TAF11L12: variants seen among roughly 807,000 people sequenced by gnomAD.
The protein encoded by TAF11L12 is TATA-box binding protein associated factor 11 like 12, also known as TATA-box-binding protein-associated factor 11-like protein 12.
exon 1 of TAF11L12, chr5:17,611,239 C>T (rs1739270024): frequency 2.5e-6 from 1 of 398,268 alleles, no homozygotes; most frequent in African/African-American, 2.1e-5. Flanking sequence ...GGAGAGGAAG[C>T]CCACCGTGGA....
At chr5:17,611,305 T>A (rs1347664437) in exon 1 of TAF11L12, 1 of 397,912 alleles carries the variant, frequency 2.5e-6, no homozygotes, top group Non-Finnish European at 4.4e-6. Flanking sequence ...GGAGCAGCTA[T>A]CCCGCTACGA....
chr5:17,610,723 T>C (rs1323189628), exon 1 of TAF11L12: 12 of 326,346 alleles, frequency 3.7e-5, no homozygotes, highest in Non-Finnish European at 1.7e-5. Flanking sequence ...CCAAAATTGG[T>C]GAGAATTTAT....
At chr5:17,611,982 C>G (rs371379628), downstream of TAF11L12, among the ~76,000 whole-genome samples, 1 of 151,324 alleles carries the variant, frequency 6.6e-6, no homozygotes, top group African/African-American at 2.4e-5. Flanking sequence ...TTTCAGTAAG[C>G]GAAGCCTCCA....
chr5:17,610,779 T>C (rs1487240972), exon 1 of TAF11L12: 2 of 382,674 alleles, frequency 5.2e-6, no homozygotes, highest in African/African-American at 4.2e-5. Flanking sequence ...ACAAGTTTCT[T>C]CACATTGTGG....
chr5:17,610,764 C>T (rs192704081), exon 1 of TAF11L12: 4 of 374,508 alleles, frequency 1.1e-5, no homozygotes, highest in Non-Finnish European at 9.5e-6. Flanking sequence ...ATATACTCTC[C>T]ATCCACAAGT....
chr5:17,610,592 G>C (rs561698812), exon 1 of TAF11L12: 3 of 176,708 alleles, frequency 1.7e-5, no homozygotes, highest in Non-Finnish European at 3.5e-5. Flanking sequence ...CCCTTCTCAC[G>C]TGAAGGTAAT....
At chr5:17,611,275 C>T (rs1170621764) in exon 1 of TAF11L12, 3 of 398,052 alleles carry the variant, frequency 7.5e-6, no homozygotes, top group Non-Finnish European at 1.3e-5. Flanking sequence ...GATGACAACC[C>T]TGCTGTATGC....
At chr5:17,611,034 C>T in exon 1 of TAF11L12, 1 of 397,940 alleles carries the variant, frequency 2.5e-6, no homozygotes, top group Non-Finnish European at 4.4e-6. Flanking sequence ...AGATGTTCGC[C>T]ATGCCCCAAG....
exon 1 of TAF11L12, chr5:17,611,544 C>A (rs1204718188): frequency 2.5e-6 from 1 of 397,872 alleles, no homozygotes; most frequent in Non-Finnish European, 4.4e-6. Context: ...AGCCCAAGGG[C>A]CTCTTCCCCA....
chr5:17,610,928 C>A (rs2126391354), exon 1 of TAF11L12: 2 of 397,344 alleles, frequency 5.0e-6, no homozygotes, highest in East Asian at 7.1e-5. Context: ...CATAATCGAA[C>A]CACCCCAGCC....
exon 1 of TAF11L12, chr5:17,610,759 C>G (rs1739259903): frequency 2.7e-6 from 1 of 370,346 alleles, no homozygotes; most frequent in East Asian, 3.9e-5. Flanking sequence ...AACTAATATA[C>G]TCTCCATCCA....
At chr5:17,611,952 C>A (rs1739285061), downstream of TAF11L12, among the ~76,000 whole-genome samples, 9 of 151,374 alleles carry the variant, frequency 5.9e-5, no homozygotes, top group South Asian at 1.9e-3. Context: ...TGTGTCTTAC[C>A]TTGTATGCTG....
At chr5:17,611,756 G>T (rs1739280341), downstream of TAF11L12, among the ~76,000 whole-genome samples, 1 of 151,530 alleles carries the variant, frequency 6.6e-6, no homozygotes, top group Non-Finnish European at 1.5e-5. Flanking sequence ...ACAGCAGATT[G>T]TTTCACAGTA....
rs190002350 is a variant in TAF11L12 at position 17,611,344 on chromosome 5, G to A, written c.355G>A (p.Ala119Thr). ...GTGTCGCCGGTCAGCTTTCCCAAAAGCACGCATTGCAGCTCTGATGCAGTC... is the reference window on the plus strand; with the variant it reads ...GTGTCGCCGGTCAGCTTTCCCAAAAACACGCATTGCAGCTCTGATGCAGTC... Residue 119 changes from alanine (A) to threonine (T), a missense_variant, in exon 1 of 1, where the codon GCA becomes ACA. Ala to Thr is a moderately conservative substitution (Grantham distance 58). Transcript: ENST00000503184. The A allele has an allele frequency of 5.4e-4, 213 of 398,034 alleles. 1 individual carries two copies. In the East Asian group the frequency reaches 6.9e-3, roughly 13 times the overall value. 24.7% of individuals were successfully genotyped at this position (398,034 alleles called of 1,614,324 possible).
exon 1 of TAF11L12, chr5:17,611,272 A>C: frequency 2.5e-6 from 1 of 398,056 alleles, no homozygotes; most frequent in East Asian, 3.6e-5. Context: ...TCAGATGACA[A>C]CCCTGCTGTA....
chr5:17,611,472 G>T (rs1226104637), exon 1 of TAF11L12: 3 of 397,890 alleles, frequency 7.5e-6, no homozygotes, highest in Admixed American at 4.4e-5. Flanking sequence ...ACGTGTGCGA[G>T]ATGTGGGGAG....
rs150643780 is a variant in TAF11L12 at position 17,610,902 on chromosome 5, G to T, written c.-88G>T. The T allele has an allele frequency of 3.4e-3, 1,352 of 396,828 alleles. 60 individuals are homozygous for T. The highest frequency in any genetic ancestry group is 4.9e-3 in the Non-Finnish European group (1,111 of 225,070). The allele number at this position is 396,828 out of a possible 1,614,324, so 24.6% of individuals were successfully genotyped here. A position where few individuals can be genotyped will look rare whatever the true frequency, so the allele number is the denominator to read the frequency against. On this transcript the variant is annotated 5_prime_UTR_variant, in exon 1 of 1. Transcript: ENST00000503184. ...ACACAGCAGCTCAACTCTTTGAAAG[G>T]TTCTCATTGCAGATCCATAATCGAA...
chr5:17,610,804 A>C lies in TAF11L12; in HGVS notation c.-186A>C. 1.0e-5 allele frequency: 4 copies of C among 388,952 alleles called. 1 individual carries two copies. The highest frequency in any genetic ancestry group is 4.5e-6 in the Non-Finnish European group (1 of 220,586). 24.1% of individuals were successfully genotyped at this position (388,952 alleles called of 1,614,324 possible). ...TCACATTGTGGAAGTGAGAACATTC[A>C]GTGTGTGTGTTTGCATGTGGGAAGG... On this transcript the variant is annotated 5_prime_UTR_variant, in exon 1 of 1. Coordinates refer to ENST00000503184, the Ensembl canonical transcript of TAF11L12.
exon 1 of TAF11L12, chr5:17,610,929 C>T (rs1488620112): frequency 2.5e-6 from 1 of 397,288 alleles, no homozygotes; most frequent in African/African-American, 2.1e-5. Flanking sequence ...ATAATCGAAC[C>T]ACCCCAGCCA....
Sources: gnomAD v4.1 joint callset for allele counts (sites outside exome capture counted in the v4.1 genomes callset) on GRCh38, gnomAD v4.1.1 for gene constraint, MANE v1.5 for transcripts, NCBI Gene and HGNC (gene_info 2026-07-23, HGNC 2026-07-21) for gene names.